ZZEF1: variants seen among roughly 807,000 people sequenced by gnomAD.
ZZEF1 encodes the protein zinc finger ZZ-type and EF-hand domain-containing protein 1.
ZZEF1 carries 157 observed loss-of-function variants against 342.8 expected under a neutral mutation model. The ratio of observed to expected loss-of-function variants is 0.46; its 90% CI spans 0.40 to 0.52. ZZEF1 has a LOEUF of 0.52. ZZEF1 is among the 20% of genes least tolerant of loss of function. ZZEF1 has a pLI of 0.00. For synonymous variants in ZZEF1, 1,505 were observed against 1,429.1 expected (o/e 1.05, Z -1.20); for missense variants, 3,480 against 3,725.6 (o/e 0.93, Z 1.72).
intron 1 of ZZEF1, among the ~76,000 whole-genome samples, chr17:4,127,363 C>A (rs1438827216): frequency 6.6e-6 from 1 of 152,078 alleles, no homozygotes; most frequent in Non-Finnish European, 1.5e-5. Flanking sequence ...AGGGCGACAG[C>A]AGTGTTGCAT....
chr17:4,006,583 GC>G lies in ZZEF1; in HGVS notation c.*306del. 5.0e-6 allele frequency: 2 copies of G among 401,848 alleles called. No homozygotes were observed. The highest frequency in any genetic ancestry group is 4.7e-5 in the South Asian group (2 of 42,274). The allele number at this position is 401,848 out of a possible 1,614,324, so 24.9% of individuals were successfully genotyped here. ...AGAGGCCGCTTCCAAGTCTTCCCAG[GC>G]CCACGGCTCCTGCAGTGACAGCCTC... On this transcript the variant is annotated 3_prime_UTR_variant, in exon 55 of 55. Transcript: ENST00000381638.
rs2055885406 is a variant in ZZEF1, at chr17:4,009,376, C to T, written c.8733+228G>A. On this transcript the variant is annotated intron_variant, in intron 53 of 54. Transcript: ENST00000381638. ...AAGGGCTGATCCCGGGCAGTTTCTC[C>T]CCCATTGGCTCTAGGCCTGACAAAA... 4.9e-6 allele frequency: 3 copies of T among 614,010 alleles called. No homozygotes were observed. The South Asian group carries it at 5.9e-5, about 12-fold the overall frequency. The allele number at this position is 614,010 out of a possible 1,614,324, so 38.0% of individuals were successfully genotyped here. A position where few individuals can be genotyped will look rare whatever the true frequency, so the allele number is the denominator to read the frequency against.
intron 27 of ZZEF1, 82 bp from the exon 28 acceptor site, chr17:4,066,622 A>G (rs2057403587): frequency 9.1e-7 from 1 of 1,102,432 alleles, no homozygotes. Context: ...TCAAAAGCAC[A>G]CAGCACTGAC....
intron 11 of ZZEF1, among the ~76,000 whole-genome samples, chr17:4,092,792 C>T (rs2057968955): frequency 6.6e-6 from 1 of 152,068 alleles, no homozygotes; most frequent in South Asian, 2.1e-4. Context: ...ATACAGAAAG[C>T]TGGCAGGGTA....
In ZZEF1 at chr17:4,016,956, G is replaced by A. The variant is rs2056119170; in HGVS notation, c.8001+415C>T. 2 of 202,636 alleles carry A rather than the reference G, an allele frequency of 9.9e-6. No homozygotes were observed. The highest frequency in any genetic ancestry group is 2.0e-4 in the South Asian group (2 of 10,084). The allele number at this position is 202,636 out of a possible 1,614,324, so 12.6% of individuals were successfully genotyped here. A position where few individuals can be genotyped will look rare whatever the true frequency, so the allele number is the denominator to read the frequency against. ...TAGAGCAAGCCTGCCAGCACCTGCA[G>A]GGCTGCAAGGCCGGGAAAAGACCTC... On this transcript the variant is annotated intron_variant, in intron 48 of 54. Coordinates refer to ENST00000381638, the MANE Select transcript of ZZEF1 (RefSeq NM_015113.4). This position sits in a 1 kb window ranked among gnomAD's most constrained non-coding sequence, Gnocchi z 4.4.
At chr17:4,043,704 C>A (rs1213176257) in intron 38 of ZZEF1, among the ~76,000 whole-genome samples, 1 of 152,236 alleles carries the variant, frequency 6.6e-6, no homozygotes, top group African/African-American at 2.4e-5. Context: ...TACTTTAGGG[C>A]CTTTGCTCCT....
intron 32 of ZZEF1, chr17:4,056,666 A>ATTT: frequency 7.3e-6 from 1 of 137,422 alleles, no homozygotes; most frequent in Admixed American, 7.2e-5. Flanking sequence ...GGCCAAATAA[A>ATTT]GTTATTATTA....
chr17:4,044,349 A>C lies in ZZEF1; in HGVS notation c.6041T>G (p.Ile2014Ser). The C allele has an allele frequency of 9.3e-6, 15 of 1,613,688 alleles. No homozygotes were observed. Among genetic ancestry groups the C allele is most frequent in the Non-Finnish European group, 1.3e-5 (15 of 1,179,852 alleles). The change falls in exon 38 of 55, where the codon ATC becomes AGC. Residue 2014 changes from isoleucine to serine, a missense_variant. Ile to Ser is a moderately radical substitution (Grantham distance 142). This residue lies in a region of ZZEF1 where 1,269 missense variants were observed against 1,342.4 expected (regional missense o/e 0.95). Transcript: ENST00000381638. ...TCTCTGCTTGAAATCTACAGGTCTG[A>C]TTTCCTCATGAACAGCTCTCTTTCC... is the stretch of plus-strand genomic sequence containing the variant. ...GNGKRAVHEE[I>S]RPVDFKQRNK... is the part of the protein sequence containing the mutation.
chr17:4,096,369 A>G (rs2058033522), intron 10 of ZZEF1, among the ~76,000 whole-genome samples: 1 of 152,242 alleles, frequency 6.6e-6, no homozygotes. Flanking sequence ...GTAATATTCA[A>G]TAATAACCTA....
rs1389135672 is a variant in ZZEF1, at chr17:4,070,783, C to G, written c.3976G>C (p.Asp1326His). Residue 1326 changes from aspartate to histidine, a missense_variant, in exon 26 of 55, where the codon GAT becomes CAT. Physicochemically the swap from Asp to His is moderately conservative, Grantham distance 81. Around this residue, in one of 5 missense-constraint regions of ZZEF1, gnomAD observed 1,528 missense variants for 1,624.1 expected, o/e 0.94. Coordinates refer to ENST00000381638, the MANE Select transcript of ZZEF1 (RefSeq NM_015113.4). ...TCAATAGTGGAACCAGCAACTATAT[C>G]TGTCTTTGGGGCCTGTTTTCTACAT... The part of the protein sequence containing the change: ...QACRKQAPKT[D>H]IVAGSTIDQA... The G allele has an allele frequency of 1.4e-5, 22 of 1,614,022 alleles. No homozygotes were observed. Among genetic ancestry groups the G allele is most frequent in the Non-Finnish European group, 1.9e-5 (22 of 1,180,052 alleles).
intron 42 of ZZEF1, among the ~76,000 whole-genome samples, chr17:4,027,282 C>G (rs2056429137): frequency 1.1e-5 from 1 of 93,752 alleles, no homozygotes; most frequent in Non-Finnish European, 1.9e-5. Flanking sequence ...CCAGCAATAT[C>G]TCACTTTTTT....
intron 8 of ZZEF1, among the ~76,000 whole-genome samples, chr17:4,103,130 T>TG (rs1170054696): frequency 5.3e-5 from 8 of 152,144 alleles, no homozygotes; most frequent in Non-Finnish European, 8.8e-5. Context: ...TGCTCTGGGC[T>TG]GTTGACCAGT....
intron 43 of ZZEF1, 53 bp from the exon 44 acceptor site, chr17:4,022,881 A>G: frequency 6.2e-7 from 1 of 1,600,046 alleles, no homozygotes; most frequent in Non-Finnish European, 8.5e-7. Flanking sequence ...AAGAAGGTAC[A>G]ACCTTAGCTG....
intron 28 of ZZEF1, among the ~76,000 whole-genome samples, chr17:4,065,315 T>TGAGTCTGAGAAGTTGAAGCTGCAGTGAG (rs2057371186): frequency 6.6e-6 from 1 of 151,676 alleles, no homozygotes; most frequent in Admixed American, 6.6e-5. Flanking sequence ...AAGGATTGCT[T>TGAGTCTGAGAAGTTGAAGCTGCAGTGAG]GAGTCTGAGA....
At chr17:4,046,930 G>A (rs781856) in intron 37 of ZZEF1, among the ~76,000 whole-genome samples, 11,813 of 152,198 alleles carry the variant, frequency 0.078, 1,535 homozygotes, top group African/African-American at 0.27. Flanking sequence ...TTAGAAGCAC[G>A]TGAGAGTTGA....
intron 28 of ZZEF1, among the ~76,000 whole-genome samples, chr17:4,065,061 A>AC (rs2057366404): frequency 6.6e-6 from 1 of 152,216 alleles, no homozygotes; most frequent in Admixed American, 6.5e-5. Context: ...ACTTCTGTAG[A>AC]GAAAATAAGT....
chr17:4,085,912 A>T (rs1450265899), intron 15 of ZZEF1, 109 bp from the exon 16 acceptor site: 1 of 1,372,450 alleles, frequency 7.3e-7, no homozygotes, highest in Non-Finnish European at 1.0e-6. Context: ...ACTTAATACC[A>T]GAGTGAAGAA....
intron 3 of ZZEF1, among the ~76,000 whole-genome samples, chr17:4,115,908 TAGAA>T (rs1229861921): frequency 6.6e-6 from 1 of 152,250 alleles, no homozygotes; most frequent in Non-Finnish European, 1.5e-5. Flanking sequence ...ATGCCTTGCT[TAGAA>T]AGGCTGTTCC....
chr17:4,111,207 T>C (rs2058291790), intron 5 of ZZEF1, among the ~76,000 whole-genome samples: 1 of 149,868 alleles, frequency 6.7e-6, no homozygotes, highest in African/African-American at 2.5e-5. Flanking sequence ...TGTGTGTGTA[T>C]GTAAACCATA....
Sources: gnomAD v4.1 joint callset for allele counts (sites outside exome capture counted in the v4.1 genomes callset) on GRCh38, gnomAD v4.1.1 for gene constraint, gnomAD v4.1.1 regional missense constraint, Gnocchi (gnomAD v3.1) non-coding constraint, MANE v1.5 for transcripts, NCBI Gene and HGNC (gene_info 2026-07-23, HGNC 2026-07-21) for gene names.